SSBP2: variants seen among roughly 807,000 people sequenced by gnomAD.
The protein encoded by SSBP2 is single stranded DNA binding protein 2.
SSBP2 carries 17 observed loss-of-function variants against 61.8 expected under a neutral mutation model. The observed-to-expected ratio is 0.28, with a 90% CI of 0.19 to 0.41. The LOEUF is 0.41. SSBP2 is among the 10% of genes least tolerant of loss of function. SSBP2 has a pLI of 1.00. For synonymous variants in SSBP2, 139 were observed against 141.3 expected, an observed-to-expected ratio of 0.98 and a Z score of 0.12; for missense variants, 310 against 458.7, an observed-to-expected ratio of 0.68 and a Z score of 2.96.
intron 4 of SSBP2, among the ~76,000 whole-genome samples, chr5:81,575,453 T>G (rs1774141205): frequency 6.6e-6 from 1 of 152,186 alleles, no homozygotes; most frequent in African/African-American, 2.4e-5. Context: ...GTAATAGTAT[T>G]ATTTTATATC....
chr5:81,580,525 A>AATGGGAAAAGTC, intron 4 of SSBP2, among the ~76,000 whole-genome samples: 1 of 152,194 alleles, frequency 6.6e-6, no homozygotes, highest in South Asian at 2.1e-4. Context: ...AAAGTCACCC[A>AATGGGAAAAGTC]ACCCCGATGT....
intron 1 of SSBP2, among the ~76,000 whole-genome samples, chr5:81,736,320 T>A (rs887289957): frequency 2.0e-5 from 3 of 152,186 alleles, no homozygotes; most frequent in Non-Finnish European, 4.4e-5. Context: ...GCCCACTGCC[T>A]TATACAGTGC....
At chr5:81,715,027 C>T (rs550685565) in intron 1 of SSBP2, among the ~76,000 whole-genome samples, 1 of 151,400 alleles carries the variant, frequency 6.6e-6, no homozygotes, top group South Asian at 2.1e-4. Context: ...TAAAGGAAAA[C>T]CAAAATAGAA....
intron 4 of SSBP2, among the ~76,000 whole-genome samples, chr5:81,589,758 G>T (rs899756582): frequency 6.6e-6 from 1 of 152,136 alleles, no homozygotes; most frequent in East Asian, 1.9e-4. Context: ...TTTGGCTCAT[G>T]GTTCTGGAGG....
At chr5:81,520,682 G>A (rs1769413361) in intron 4 of SSBP2, among the ~76,000 whole-genome samples, 1 of 151,790 alleles carries the variant, frequency 6.6e-6, no homozygotes, top group Admixed American at 6.6e-5. Context: ...ATTTCCCATG[G>A]ATACTTAGTA....
In SSBP2 at chr5:81,418,685, C is replaced by G. The variant is rs1761427348; in HGVS notation, c.*1819G>C. Reference sequence around the variant, plus strand: ...ATTGCTCCTAGGCTACAAACCTGTACAGCATGTTACTGTACTGAATACCAA... The same window carrying G: ...ATTGCTCCTAGGCTACAAACCTGTAGAGCATGTTACTGTACTGAATACCAA... On this transcript the variant is annotated 3_prime_UTR_variant, in exon 17 of 17. Coordinates refer to ENST00000320672, the MANE Select transcript of SSBP2 (RefSeq NM_012446.5). The G allele has an allele frequency of 1.3e-5, 2 of 152,172 alleles. No individual in the cohort carries two copies. The highest frequency in any genetic ancestry group is 2.9e-5 in the Non-Finnish European group (2 of 68,028). 9.4% of individuals were successfully genotyped at this position (152,172 alleles called of 1,614,324 possible).
At chr5:81,456,151 T>C (rs991719412) in intron 10 of SSBP2, among the ~76,000 whole-genome samples, 10 of 152,192 alleles carry the variant, frequency 6.6e-5, no homozygotes, top group Non-Finnish European at 1.5e-4. Context: ...GCAGAGACTA[T>C]TTGGAGTAAT....
intron 1 of SSBP2, among the ~76,000 whole-genome samples, chr5:81,689,665 TTCA>T (rs2153831893): frequency 6.6e-6 from 1 of 152,054 alleles, no homozygotes; most frequent in South Asian, 2.1e-4. Flanking sequence ...GTTGAGTAAT[TTCA>T]TCAACACCAG....
At chr5:81,564,688 T>C (rs953866301) in intron 4 of SSBP2, among the ~76,000 whole-genome samples, 4 of 152,206 alleles carry the variant, frequency 2.6e-5, no homozygotes, top group Non-Finnish European at 5.9e-5. Context: ...GTTAGTCTTG[T>C]AGTCAGCATC....
chr5:81,574,012 G>A (rs547798733), intron 4 of SSBP2, among the ~76,000 whole-genome samples: 187 of 152,054 alleles, frequency 1.2e-3, no homozygotes, highest in African/African-American at 4.4e-3. Flanking sequence ...GTGGTGGTGG[G>A]TGCCTGTAGT....
In SSBP2 at chr5:81,420,546, A is replaced by G. The variant is rs1251280197; in HGVS notation, c.1057-13T>C. ...TGCTAGGGGAGTACTAGAAGGAAAGAAGAATCCATATTTTAACAACAATTC... is the reference window on the plus strand; with the variant it reads ...TGCTAGGGGAGTACTAGAAGGAAAGGAGAATCCATATTTTAACAACAATTC... On this transcript the variant is annotated splice_polypyrimidine_tract_variant and intron_variant, in intron 16 of 16. Transcript: ENST00000320672. 4 of 1,611,318 alleles carry G rather than the reference A, an allele frequency of 2.5e-6. No individual in the cohort carries two copies. The highest frequency in any genetic ancestry group is 3.4e-6 in the Non-Finnish European group (4 of 1,177,514).
intron 5 of SSBP2, among the ~76,000 whole-genome samples, chr5:81,508,235 T>C (rs1261988006): frequency 6.6e-6 from 1 of 152,098 alleles, no homozygotes; most frequent in Non-Finnish European, 1.5e-5. Context: ...TCAATGGCCA[T>C]GTCTACTCTC....
intron 5 of SSBP2, among the ~76,000 whole-genome samples, chr5:81,498,737 A>G (rs1276474324): frequency 6.6e-6 from 1 of 152,046 alleles, no homozygotes; most frequent in Admixed American, 6.6e-5. Context: ...CAAGCAAATC[A>G]TTTTTTAAAC....
intron 4 of SSBP2, among the ~76,000 whole-genome samples, chr5:81,524,301 G>C (rs772381569): frequency 7.2e-5 from 11 of 151,970 alleles, no homozygotes; most frequent in Non-Finnish European, 1.5e-4. Context: ...AAATAAGCTT[G>C]AAAGTGAATT....
At chr5:81,625,963 A>G (rs1747104406) in intron 3 of SSBP2, among the ~76,000 whole-genome samples, 1 of 152,242 alleles carries the variant, frequency 6.6e-6, no homozygotes, top group South Asian at 2.1e-4. Flanking sequence ...CCACGTTGTT[A>G]TAAGCTCAAG....
chr5:81,675,535 C>G (rs1404942508), intron 1 of SSBP2, among the ~76,000 whole-genome samples: 2 of 152,140 alleles, frequency 1.3e-5, no homozygotes, highest in African/African-American at 4.8e-5. Flanking sequence ...ACGAAACTGC[C>G]AGCTTATCTC....
intron 4 of SSBP2, among the ~76,000 whole-genome samples, chr5:81,609,124 A>G (rs1745189587): frequency 6.6e-6 from 1 of 152,182 alleles, no homozygotes; most frequent in African/African-American, 2.4e-5. Flanking sequence ...TGGCCCTTCT[A>G]CAATGCTCCA....
Position 81,415,132 on chromosome 5 carries a change from T to G in SSBP2, c.*5372A>C, listed in dbSNP as rs539223134. 4 of 152,320 alleles carry G rather than the reference T, an allele frequency of 2.6e-5. No individual in the cohort carries two copies. In the East Asian group the frequency reaches 7.7e-4, roughly 29 times the overall value. 9.4% of individuals were successfully genotyped at this position (152,320 alleles called of 1,614,324 possible). ...TCCTCATAGCAAACAATAAACTTAT[T>G]CCACCAGGAGGGAAAAACAGAAAGA... On this transcript the variant is annotated 3_prime_UTR_variant, in exon 17 of 17. Transcript: ENST00000320672.
At chr5:81,577,782 A>C (rs549061448) in intron 4 of SSBP2, among the ~76,000 whole-genome samples, 1 of 152,068 alleles carries the variant, frequency 6.6e-6, no homozygotes, top group South Asian at 2.1e-4. Flanking sequence ...TTTTTTCTAC[A>C]TCTTTTGCCC....
Sources: allele counts gnomAD v4.1 joint callset (sites outside exome capture counted in the v4.1 genomes callset), GRCh38; gene constraint gnomAD v4.1.1; transcripts MANE v1.5; gene names NCBI Gene and HGNC (gene_info 2026-07-23, HGNC 2026-07-21).